CTNNA2: variants seen among roughly 807,000 people sequenced by gnomAD.
The protein encoded by CTNNA2 is catenin alpha 2, also known as catenin alpha-2.
A neutral mutation model predicts 101.0 loss-of-function variants in CTNNA2; 42 were observed. The ratio of observed to expected loss-of-function variants is 0.42; its 90% CI spans 0.32 to 0.54. CTNNA2 has a LOEUF of 0.54. CTNNA2 is among the 20% of genes least tolerant of loss of function. CTNNA2 has a pLI of 0.14. For synonymous variants in CTNNA2, 450 were observed against 456.4 expected (o/e 0.99, Z 0.18); for missense variants, 871 against 1,223.1 (o/e 0.71, Z 4.29).
At chr2:80,257,211 G>A (rs61664521) in intron 7 of CTNNA2, among the ~76,000 whole-genome samples, 3,723 of 151,652 alleles carry the variant, frequency 0.025, 54 homozygotes, top group South Asian at 0.042. Flanking sequence ...TTTGAGCTAC[G>A]TGGTTATAAT....
chr2:79,777,509 T>C (rs1218355305), intron 3 of CTNNA2, among the ~76,000 whole-genome samples: 5 of 152,090 alleles, frequency 3.3e-5, no homozygotes, highest in African/African-American at 1.2e-4. Flanking sequence ...GGTTGATAAT[T>C]ACTAGAACAG....
chr2:79,840,923 CGG>C (rs1256060610), intron 3 of CTNNA2, among the ~76,000 whole-genome samples: 3 of 152,152 alleles, frequency 2.0e-5, no homozygotes, highest in African/African-American at 7.2e-5. Flanking sequence ...GCGCCCGCCA[CGG>C]CACCCGGCTA....
Position 79,971,304 on chromosome 2 carries a change from C to T in CTNNA2, c.1056+61507C>T, listed in dbSNP as rs6718084. ...AATTTATTTTCCCTTCCTCAAGACA[C>T]GCATATAACATATTATCATCACTAT... On this transcript the variant is annotated intron_variant, in intron 7 of 18. Transcript: ENST00000402739. 2.6e-5 allele frequency among the ~76,000 whole-genome samples: 4 copies of T among 152,184 alleles called. No individual in the cohort carries two copies. The East Asian group carries it at 5.8e-4, about 22-fold the overall frequency.
intron 7 of CTNNA2, among the ~76,000 whole-genome samples, chr2:79,965,903 C>G (rs1690024220): frequency 7.0e-6 from 1 of 142,644 alleles, no homozygotes; most frequent in African/African-American, 2.6e-5. Flanking sequence ...AGGAAAGAAA[C>G]TGACAAGTTT....
intron 1 of CTNNA2, among the ~76,000 whole-genome samples, chr2:79,564,606 A>T (rs1433998772): frequency 6.6e-6 from 1 of 152,196 alleles, no homozygotes; most frequent in Non-Finnish European, 1.5e-5. Context: ...CATAAAAAGG[A>T]AGTTAATTCA....
chr2:80,637,806 G>C (rs1007729065), intron 18 of CTNNA2, among the ~76,000 whole-genome samples: 18 of 152,208 alleles, frequency 1.2e-4, no homozygotes, highest in Admixed American at 1.1e-3. Flanking sequence ...TAATTTTCCA[G>C]GCATAGTACT....
intron 3 of CTNNA2, among the ~76,000 whole-genome samples, chr2:79,778,774 C>T (rs1674198541): frequency 6.6e-6 from 1 of 152,078 alleles, no homozygotes; most frequent in South Asian, 2.1e-4. Context: ...ACATGTATCT[C>T]TTAGACAAGA....
chr2:80,092,365 T>G (rs182951745), intron 7 of CTNNA2, among the ~76,000 whole-genome samples: 315 of 152,172 alleles, frequency 2.1e-3, no homozygotes, highest in African/African-American at 7.3e-3. Flanking sequence ...TGTTCTAAAT[T>G]CAGTAGAAAA....
intron 8 of CTNNA2, among the ~76,000 whole-genome samples, chr2:80,414,429 GT>G (rs568328989): frequency 2.4e-4 from 37 of 152,154 alleles, no homozygotes; most frequent in African/African-American, 8.9e-4. Context: ...CCCTGAATTA[GT>G]TTTCTGTCAG....
intron 7 of CTNNA2, among the ~76,000 whole-genome samples, chr2:80,177,823 A>C (rs1469112009): frequency 6.6e-6 from 1 of 152,198 alleles, no homozygotes; most frequent in African/African-American, 2.4e-5. Context: ...CTGAACATCC[A>C]GTCAAACCAT....
At chr2:79,412,556 C>A (rs62159393) in intron 4 of CTNNA2, among the ~76,000 whole-genome samples, 43,788 of 151,484 alleles carry the variant, frequency 0.29, 6,420 homozygotes, top group South Asian at 0.43. Flanking sequence ...TCTCAGACCA[C>A]AGTGCAATCA....
At chr2:79,779,596 C>T (rs1674268867) in intron 3 of CTNNA2, among the ~76,000 whole-genome samples, 1 of 152,118 alleles carries the variant, frequency 6.6e-6, no homozygotes, top group East Asian at 1.9e-4. Flanking sequence ...CATGGTCTCA[C>T]TCCATACACT....
chr2:79,358,918 C>T (rs1417069735), intron 3 of CTNNA2, among the ~76,000 whole-genome samples: 1 of 152,108 alleles, frequency 6.6e-6, no homozygotes, highest in Non-Finnish European at 1.5e-5. Context: ...AGCTCTCTAA[C>T]CCAAATAATT....
chr2:79,465,683 G>A (rs1670926077), intron 4 of CTNNA2, among the ~76,000 whole-genome samples: 1 of 152,116 alleles, frequency 6.6e-6, no homozygotes, highest in Non-Finnish European at 1.5e-5. Context: ...AGCTCTCCTT[G>A]AAGAGGTCCT....
intron 2 of CTNNA2, among the ~76,000 whole-genome samples, chr2:79,202,527 G>T (rs1674050800): frequency 1.3e-5 from 2 of 151,982 alleles, no homozygotes; most frequent in Admixed American, 6.6e-5. Flanking sequence ...AAGATTGCGT[G>T]AATGCACCAT....
At chr2:80,103,653 G>A (rs1343961758) in intron 7 of CTNNA2, among the ~76,000 whole-genome samples, 32 of 150,508 alleles carry the variant, frequency 2.1e-4, no homozygotes, top group African/African-American at 6.4e-4. Context: ...TATTTTCATG[G>A]TGTGTGCACA....
At chr2:79,216,941 A>G (rs763455585) in intron 2 of CTNNA2, among the ~76,000 whole-genome samples, 5 of 152,188 alleles carry the variant, frequency 3.3e-5, no homozygotes, top group Non-Finnish European at 7.3e-5. Flanking sequence ...CGTCCCTGCA[A>G]TGATTAAACA....
chr2:80,573,131 A>G (rs1558602254), intron 12 of CTNNA2: 3 of 152,192 alleles, frequency 2.0e-5, no homozygotes, highest in African/African-American at 7.2e-5. Context: ...TGATGTTTCT[A>G]TTTTATCATC....
intron 3 of CTNNA2, among the ~76,000 whole-genome samples, chr2:79,832,572 C>G (rs942767963): frequency 5.9e-5 from 9 of 152,120 alleles, no homozygotes; most frequent in African/African-American, 2.2e-4. Context: ...TGGCCATTAT[C>G]TTTATATGGA....
Sources: allele counts gnomAD v4.1 joint callset (sites outside exome capture counted in the v4.1 genomes callset), GRCh38; gene constraint gnomAD v4.1.1; transcripts MANE v1.5; gene names NCBI Gene and HGNC (gene_info 2026-07-23, HGNC 2026-07-21).